Variants in IGF2BP1 observed in about 807,000 individuals in gnomAD.
IGF2BP1 encodes the protein insulin like growth factor 2 mRNA binding protein 1.
A neutral mutation model predicts 74.9 loss-of-function variants in IGF2BP1; 11 were observed. The observed-to-expected ratio is 0.15, with a 90% CI of 0.09 to 0.24. IGF2BP1 has a LOEUF of 0.24. Among genes scored for constraint, IGF2BP1 ranks in the 10% least tolerant of loss-of-function variants. IGF2BP1 has a pLI of 1.00. For missense variants in IGF2BP1, 440 were observed against 757.4 expected (o/e 0.58, Z 4.92); for synonymous variants, 287 against 281.8 (o/e 1.02, Z -0.18).
chr17:49,043,535 C>T lies in IGF2BP1; in HGVS notation c.1185C>T (p.Pro395=). 6.2e-7 allele frequency: 1 copy of T among 1,614,090 alleles called. No homozygotes were observed. Among genetic ancestry groups the T allele is most frequent in the Non-Finnish European group, 8.5e-7 (1 of 1,179,972 alleles). Residue 395 remains proline (P), a synonymous_variant, in exon 10 of 15, where the codon CCC becomes CCT. Coordinates refer to ENST00000290341, the MANE Select transcript of IGF2BP1 (RefSeq NM_006546.4). ...CCAGCAGCGTTACTGGGGCTGCTCC[C>T]TATAGCTCCTTTATGGTAGGTGGAA... ...PPPSSVTGAA[P]YSSFMQAPEQ... is the part of the protein sequence containing the mutation.
At chr17:49,019,504 A>G (rs1047566977) in intron 2 of IGF2BP1, among the ~76,000 whole-genome samples, 7 of 152,142 alleles carry the variant, frequency 4.6e-5, no homozygotes, top group African/African-American at 1.7e-4. Context: ...TATAAACATA[A>G]AAGTAGAAAG....
At chr17:49,015,073 C>T (rs937291093) in intron 2 of IGF2BP1, 3 of 298,898 alleles carry the variant, frequency 1.0e-5, no homozygotes, top group African/African-American at 4.6e-5. Context: ...GGCGTGATCT[C>T]GGCTCAATGC....
At chr17:49,041,292 G>A (rs1444499495) in intron 7 of IGF2BP1, 86 bp from the exon 8 acceptor site, 1 of 1,487,984 alleles carries the variant, frequency 6.7e-7, no homozygotes. Flanking sequence ...GAAATGCCAA[G>A]TCTGGGGTGG....
At chr17:49,018,674 TAAG>T (rs1214848792) in intron 2 of IGF2BP1, among the ~76,000 whole-genome samples, 1 of 151,912 alleles carries the variant, frequency 6.6e-6, no homozygotes, top group Non-Finnish European at 1.5e-5. Flanking sequence ...AAAAAAAAGT[TAAG>T]AACCAGTTAT....
At chr17:49,019,938 A>ATATATTTATATATATT (rs1555597794) in intron 2 of IGF2BP1, among the ~76,000 whole-genome samples, 1 of 57,392 alleles carries the variant, frequency 1.7e-5, no homozygotes, top group Non-Finnish European at 3.4e-5. Flanking sequence ...ATATATATAT[A>ATATATTTATATATATT]TATATATATA....
At chr17:49,026,699 T>TCCTGCCTGCCTGCCTTCCTG (rs541533015) in intron 4 of IGF2BP1, among the ~76,000 whole-genome samples, 182 bp downstream of exon 4, 2 of 107,040 alleles carry the variant, frequency 1.9e-5, no homozygotes, top group African/African-American at 2.9e-5. Context: ...CTTCCTGCCT[T>TCCTGCCTGCCTGCCTTCCTG]CCTGCCTTCC....
chr17:49,046,298 A>G lies in IGF2BP1; in HGVS notation c.1566A>G (p.Val522=), dbSNP rs768807636. 6 of 1,614,170 alleles carry G rather than the reference A, an allele frequency of 3.7e-6. No homozygotes were observed. In the East Asian group the frequency reaches 1.1e-4, roughly 30 times the overall value. ...AGAATTTGACGGCAGCTGAGGTGGT[A>G]GTACCAAGAGACCAGACCCCTGATG... is the stretch of plus-strand genomic sequence containing the variant. ...ELQNLTAAEV[V]VPRDQTPDEN... is the part of the protein sequence containing the mutation. Residue 522 remains valine (V), a synonymous_variant, in exon 14 of 15, where the codon GTA becomes GTG. Transcript: ENST00000290341.
intron 11 of IGF2BP1, 99 bp from the exon 12 acceptor site, chr17:49,044,892 A>G: frequency 1.1e-6 from 1 of 951,626 alleles, no homozygotes; most frequent in Non-Finnish European, 1.7e-6. Flanking sequence ...CAGAATGGGT[A>G]GTTGGGAGTA....
intron 5 of IGF2BP1, among the ~76,000 whole-genome samples, chr17:49,034,066 T>G (rs1567822554): frequency 2.4e-5 from 1 of 42,074 alleles, no homozygotes; most frequent in Admixed American, 2.4e-4. Context: ...CTTAGCGATC[T>G]TCCTACCTCA....
At chr17:49,026,651 G>GCCTTCCTGCCTTCCTGCCTT in intron 4 of IGF2BP1, 134 bp downstream of exon 4, 1 of 602,594 alleles carries the variant, frequency 1.7e-6, no homozygotes, top group Non-Finnish European at 2.9e-6. Flanking sequence ...CTTCCTGCCT[G>GCCTTCCTGCCTTCCTGCCTT]CCTTCCTGCC....
rs1427422417 is a variant in IGF2BP1, at chr17:49,050,990, C to G, written c.*1546C>G. ...TATGGAAAAGCCCATGCGTGGAGTTCCCCTCCTTTCAACATTGCAACAACA... is the reference window on the plus strand; with the variant it reads ...TATGGAAAAGCCCATGCGTGGAGTTGCCCTCCTTTCAACATTGCAACAACA... On this transcript the variant is annotated 3_prime_UTR_variant, in exon 15 of 15. Transcript: ENST00000290341. 1 of 152,564 alleles carries G rather than the reference C, an allele frequency of 6.6e-6. No individual in the cohort carries two copies. The highest frequency in any genetic ancestry group is 1.5e-5 in the Non-Finnish European group (1 of 68,040). 9.5% of individuals were successfully genotyped at this position (152,564 alleles called of 1,614,324 possible). A position where few individuals can be genotyped will look rare whatever the true frequency, so the allele number is the denominator to read the frequency against.
At position 49,050,819 on chromosome 17, in the gene IGF2BP1, G is replaced by A. The variant is rs1375525198; in HGVS notation, c.*1375G>A. 1.3e-5 allele frequency: 2 copies of A among 152,708 alleles called. No homozygotes were observed. The highest frequency in any genetic ancestry group is 3.4e-3 in the Middle Eastern group (1 of 294). The allele number at this position is 152,708 out of a possible 1,614,324, so 9.5% of individuals were successfully genotyped here. On this transcript the variant is annotated 3_prime_UTR_variant, in exon 15 of 15. Coordinates refer to ENST00000290341, the MANE Select transcript of IGF2BP1 (RefSeq NM_006546.4). The stretch of plus-strand genomic sequence containing the variant: ...AGATCCCATGGAGTGTTTAGCCCTT[G>A]TGGGAGACAGAAGCCATCAGTTAAA...
chr17:49,021,833 G>T (rs2041796582), intron 2 of IGF2BP1, among the ~76,000 whole-genome samples: 1 of 152,220 alleles, frequency 6.6e-6, no homozygotes, highest in African/African-American at 2.4e-5. Context: ...CTCAGCTCTG[G>T]TAGAAGCTGG....
chr17:49,043,648 T>C, intron 10 of IGF2BP1, 98 bp downstream of exon 10: 1 of 1,446,414 alleles, frequency 6.9e-7, no homozygotes, highest in Non-Finnish European at 9.4e-7. Flanking sequence ...CTTGGCAAGT[T>C]TGCAGGGAGA....
chr17:49,054,112 C>T lies in IGF2BP1; in HGVS notation c.*4668C>T, dbSNP rs190691885. The T allele has an allele frequency of 4.2e-3, 639 of 152,770 alleles. 9 individuals carry two copies. Among genetic ancestry groups the T allele is most frequent in the Admixed American group, 0.023 (348 of 15,308 alleles). 9.5% of individuals were successfully genotyped at this position (152,770 alleles called of 1,614,324 possible). On this transcript the variant is annotated 3_prime_UTR_variant, in exon 15 of 15. Transcript: ENST00000290341. ...CTTTGGATACATAAGGCTTCTCTAT[C>T]GGGGTACGGGACAGGGAGGAGGCCT...
Position 49,038,163 on chromosome 17 carries a change from C to G in IGF2BP1, c.402-5C>G. ...ATGACCTGTAGACTCTCACTCTGTC[C>G]CCAGAGCCATCATGAAGCTGAATGG... On this transcript the variant is annotated splice_region_variant and splice_polypyrimidine_tract_variant and intron_variant, in intron 5 of 14. Coordinates refer to ENST00000290341, the MANE Select transcript of IGF2BP1 (RefSeq NM_006546.4). 1.3e-6 allele frequency: 2 copies of G among 1,501,858 alleles called. No individual in the cohort carries two copies. Among genetic ancestry groups the G allele is most frequent in the Non-Finnish European group, 1.8e-6 (2 of 1,122,322 alleles). The allele number at this position is 1,501,858 out of a possible 1,614,324, so 93.0% of individuals were successfully genotyped here.
intron 11 of IGF2BP1, 50 bp downstream of exon 11, chr17:49,044,136 C>T (rs1400735303): frequency 6.3e-7 from 1 of 1,599,936 alleles, no homozygotes. Flanking sequence ...GGGGTCTCTG[C>T]TTTTATCACT....
chr17:49,022,406 G>GC (rs919999860), intron 2 of IGF2BP1, among the ~76,000 whole-genome samples: 2 of 152,192 alleles, frequency 1.3e-5, no homozygotes, highest in East Asian at 3.9e-4. Context: ...GTGCCTCCCT[G>GC]CCCCCCGCCC....
intron 2 of IGF2BP1, among the ~76,000 whole-genome samples, chr17:49,009,199 T>C (rs1323854638): frequency 2.0e-5 from 3 of 151,910 alleles, no homozygotes. Context: ...TGGCTAATTT[T>C]TGTATTTTTA....
Sources: gnomAD v4.1 joint callset for allele counts (sites outside exome capture counted in the v4.1 genomes callset) on GRCh38, gnomAD v4.1.1 for gene constraint, MANE v1.5 for transcripts, NCBI Gene and HGNC (gene_info 2026-07-23, HGNC 2026-07-21) for gene names.